The following KCTD5 variants were observed in gnomAD, a reference collection of about 807,000 sequenced individuals.
The protein encoded by KCTD5 is potassium channel tetramerization domain containing 5.
KCTD5 carries 12 observed loss-of-function variants against 27.9 expected under a neutral mutation model. The observed-to-expected ratio is 0.43, with a 90% confidence interval of 0.28 to 0.70. The LOEUF is 0.70. KCTD5 is among the 30% of genes least tolerant of loss of function. The probability of loss-of-function intolerance (pLI) is 0.19; values close to 1 mark genes in which losing one functional copy is unlikely to be tolerated. For missense variants in KCTD5, 226 were observed against 274.8 expected, an observed-to-expected ratio of 0.82 and a Z score of 1.26; for synonymous variants, 147 against 121.4, an observed-to-expected ratio of 1.21 and a Z score of -1.39.
At chr16:2,698,060 C>A (rs1596223937) in intron 3 of KCTD5, 63 bp downstream of exon 3, 1 of 1,245,208 alleles carries the variant, frequency 8.0e-7, no homozygotes. Context: ...CTCCCCTTTA[C>A]TCCCCCGACC....
chr16:2,686,720 T>C (rs1308942383), intron 1 of KCTD5, among the ~76,000 whole-genome samples: 1 of 121,392 alleles, frequency 8.2e-6, no homozygotes, highest in East Asian at 2.4e-4. Context: ...CTTTGAGGGG[T>C]GGGGCAGTCA....
chr16:2,684,781 A>T (rs919597237), intron 1 of KCTD5: 33 of 152,046 alleles, frequency 2.2e-4, no homozygotes, highest in African/African-American at 6.3e-4. Flanking sequence ...AAAAAAATAA[A>T]AAAAAAATAA....
chr16:2,687,638 T>TG lies in KCTD5; in HGVS notation c.252+4843dup, dbSNP rs990988422. ...AGCCTCGCCAGGGCTGTGGCCGTGA[T>TG]GGGGGCGCCTGCTGCCTGGTCTCGC... On this transcript the variant is annotated intron_variant, in intron 1 of 5. Transcript: ENST00000301738. Among the ~76,000 whole-genome samples the TG allele has an allele frequency of 4.6e-5, 7 of 152,238 alleles. 1 individual carries two copies. The highest frequency in any genetic ancestry group is 7.2e-5 in the African/African-American group (3 of 41,456).
chr16:2,690,051 C>T (rs1596220911), intron 1 of KCTD5, among the ~76,000 whole-genome samples: 1 of 152,252 alleles, frequency 6.6e-6, no homozygotes, highest in Non-Finnish European at 1.5e-5. Context: ...CCACGTTGCC[C>T]CCGGTGCTTT....
At chr16:2,704,931 A>G (rs372990565) in intron 5 of KCTD5, among the ~76,000 whole-genome samples, 19 of 152,314 alleles carry the variant, frequency 1.2e-4, no homozygotes, top group East Asian at 5.8e-4. Flanking sequence ...GGACAGGACC[A>G]GCCCCGGATC....
chr16:2,690,520 GC>G (rs2067561615), intron 1 of KCTD5, among the ~76,000 whole-genome samples: 1 of 152,228 alleles, frequency 6.6e-6, no homozygotes, highest in Non-Finnish European at 1.5e-5. Flanking sequence ...CTTAATTATG[GC>G]TGTTTTAGAA....
At chr16:2,698,943 G>C (rs181183328) in intron 3 of KCTD5, among the ~76,000 whole-genome samples, 1 of 152,244 alleles carries the variant, frequency 6.6e-6, no homozygotes, top group Non-Finnish European at 1.5e-5. Context: ...TATGACGCAG[G>C]TGGGCAGGAA....
At chr16:2,699,110 G>A (rs1397347724) in intron 3 of KCTD5, 2 of 455,996 alleles carry the variant, frequency 4.4e-6, no homozygotes, top group Admixed American at 4.7e-5. Context: ...TTAAGGTCAG[G>A]GACCCAGGAC....
At position 2,708,307 on chromosome 16, in the gene KCTD5, C is replaced by G. The variant is rs1318519603; in HGVS notation, c.*980C>G. ...TCTTTGTATAACTATGCAGCCTTCC[C>G]TCTCTTTCTGGGATGTTTGGGACTT... On this transcript the variant is annotated 3_prime_UTR_variant, in exon 6 of 6. Coordinates refer to ENST00000301738, the MANE Select transcript of KCTD5 (RefSeq NM_018992.4). 6.5e-6 allele frequency: 1 copy of G among 152,706 alleles called. No homozygotes were observed. The highest frequency in any genetic ancestry group is 1.5e-5 in the Non-Finnish European group (1 of 68,066). The allele number at this position is 152,706 out of a possible 1,614,324, so 9.5% of individuals were successfully genotyped here.
intron 1 of KCTD5, chr16:2,683,858 G>C (rs1169909148): frequency 6.9e-6 from 1 of 145,526 alleles, no homozygotes; most frequent in Non-Finnish European, 1.5e-5. Context: ...TGAGAAGCCT[G>C]ACTGAGACCA....
At chr16:2,703,716 G>A (rs1482586997) in intron 5 of KCTD5, among the ~76,000 whole-genome samples, 2 of 152,234 alleles carry the variant, frequency 1.3e-5, no homozygotes, top group African/African-American at 4.8e-5. Flanking sequence ...CACCCGTTGT[G>A]CTCTTGCTGT....
At chr16:2,704,870 G>A (rs1382029156) in intron 5 of KCTD5, among the ~76,000 whole-genome samples, 3 of 152,200 alleles carry the variant, frequency 2.0e-5, no homozygotes, top group Non-Finnish European at 4.4e-5. Context: ...CCAGGAGTGG[G>A]GCCAGAGGCC....
chr16:2,691,888 C>T (rs1182486705), intron 1 of KCTD5, among the ~76,000 whole-genome samples: 1 of 152,238 alleles, frequency 6.6e-6, no homozygotes, highest in African/African-American at 2.4e-5. Context: ...GGGTATTTTG[C>T]ACCCAGGCTG....
At chr16:2,700,733 C>G (rs2142058011) in intron 4 of KCTD5, among the ~76,000 whole-genome samples, 1 of 152,302 alleles carries the variant, frequency 6.6e-6, no homozygotes, top group South Asian at 2.1e-4. Flanking sequence ...CAGCCAGTGT[C>G]CCTCTGAATG....
chr16:2,705,989 G>T (rs537803174), intron 5 of KCTD5, among the ~76,000 whole-genome samples: 1 of 152,180 alleles, frequency 6.6e-6, no homozygotes, highest in African/African-American at 2.4e-5. Flanking sequence ...GCTGGTGGGG[G>T]CTTGGGGGCT....
At chr16:2,704,584 GAC>G (rs2067626760) in intron 5 of KCTD5, among the ~76,000 whole-genome samples, 1 of 152,260 alleles carries the variant, frequency 6.6e-6, no homozygotes. Context: ...AACAGAGAGA[GAC>G]AGGCTCAGAT....
chr16:2,698,101 G>A (rs1266512405), intron 3 of KCTD5, 104 bp downstream of exon 3: 3 of 766,362 alleles, frequency 3.9e-6, no homozygotes, highest in South Asian at 1.7e-5. Context: ...CTGCGGTCTG[G>A]GGCTCTCCTA....
rs571685580 is a variant in KCTD5, at chr16:2,682,820, G to A, written c.252+20G>A. 4 of 1,574,308 alleles carry A rather than the reference G, an allele frequency of 2.5e-6. No homozygotes were observed. In the African/African-American group the frequency reaches 4.2e-5, roughly 16 times the overall value. ...GACAAGGTGAGGGCCTCACGGGCCA[G>A]CCCGGAGGGTCCTGGCCTTCCCGGC... is the stretch of plus-strand genomic sequence containing the variant. On this transcript the variant is annotated intron_variant, in intron 1 of 5. Coordinates refer to ENST00000301738, the MANE Select transcript of KCTD5 (RefSeq NM_018992.4).
chr16:2,702,258 T>A, intron 4 of KCTD5, 95 bp from the exon 5 acceptor site: 1 of 1,502,958 alleles, frequency 6.7e-7, no homozygotes, highest in Non-Finnish European at 9.1e-7. Context: ...GCTGTGGCTT[T>A]CGCGGTGGCA....
Sources: gnomAD v4.1 joint callset for allele counts (sites outside exome capture counted in the v4.1 genomes callset) on GRCh38, gnomAD v4.1.1 for gene constraint, MANE v1.5 for transcripts, NCBI Gene and HGNC (gene_info 2026-07-23, HGNC 2026-07-21) for gene names.